DNAH2: variants seen among roughly 807,000 people sequenced by gnomAD.
DNAH2 encodes the protein dynein axonemal heavy chain 2.
DNAH2 carries 323 observed loss-of-function variants against 523.5 expected under a neutral mutation model. The ratio of observed to expected loss-of-function variants is 0.62; its 90% CI spans 0.56 to 0.68. The LOEUF is 0.68. Among genes scored for constraint, DNAH2 ranks in the 30% least tolerant of loss-of-function variants. The pLI is 0.00. For synonymous variants in DNAH2, 2,093 were observed against 2,177.4 expected, an observed-to-expected ratio of 0.96 and a Z score of 1.08; for missense variants, 4,907 against 5,701.5, an observed-to-expected ratio of 0.86 and a Z score of 4.49.
chr17:7,765,784 TC>T (rs1400214540), intron 21 of DNAH2, among the ~76,000 whole-genome samples: 20 of 151,428 alleles, frequency 1.3e-4, no homozygotes, highest in African/African-American at 4.6e-4. Context: ...TTTTCTTTTT[TC>T]TTTTTTTTTT....
At chr17:7,795,772 G>A (rs974343344) in intron 49 of DNAH2, among the ~76,000 whole-genome samples, 8 of 147,440 alleles carry the variant, frequency 5.4e-5, no homozygotes, top group Non-Finnish European at 1.0e-4. Context: ...CAAAGCAGGT[G>A]GATCACCTGA....
chr17:7,794,200 C>T (rs919145100), intron 48 of DNAH2, 54 bp from the exon 49 acceptor site: 3 of 1,377,326 alleles, frequency 2.2e-6, no homozygotes, highest in African/African-American at 3.0e-5. Flanking sequence ...GTGTCGGCGC[C>T]TCTCTTGCCC....
intron 63 of DNAH2, among the ~76,000 whole-genome samples, chr17:7,813,010 A>T (rs184360760): frequency 6.6e-6 from 1 of 151,866 alleles, no homozygotes; most frequent in Non-Finnish European, 1.5e-5. Context: ...CTACTTGTAT[A>T]TGTATAGAAT....
Position 7,832,470 on chromosome 17 carries a change from C to T in DNAH2, c.12727-109C>T, listed in dbSNP as rs2078207653. 3 of 1,345,986 alleles carry T rather than the reference C, an allele frequency of 2.2e-6. No homozygotes were observed. Among genetic ancestry groups the T allele is most frequent in the Middle Eastern group, 2.2e-4 (1 of 4,488 alleles). 83.4% of individuals were successfully genotyped at this position (1,345,986 alleles called of 1,614,324 possible). The stretch of plus-strand genomic sequence containing the variant: ...GTTGCAGTGAGCCAAGATCGTACCA[C>T]TGCACTCCAGCCTGGGGGACAAGAG... On this transcript the variant is annotated intron_variant, in intron 82 of 85. Transcript: ENST00000572933. This position sits in a 1 kb window ranked among gnomAD's most constrained non-coding sequence, Gnocchi z 4.3.
At chr17:7,768,308 G>T (rs773247239) in intron 24 of DNAH2, 41 bp downstream of exon 24, 3 of 1,604,386 alleles carry the variant, frequency 1.9e-6, no homozygotes, top group South Asian at 1.1e-5. Flanking sequence ...ACTCTGCCCC[G>T]CTGGCCTGCG....
Position 7,760,555 on chromosome 17 carries a change from AG to A in DNAH2, c.2786-183del, listed in dbSNP as rs1186617968. Among the ~76,000 whole-genome samples, 1 of 152,152 alleles carries A rather than the reference AG, an allele frequency of 6.6e-6. No individual in the cohort carries two copies. The highest frequency in any genetic ancestry group is 1.5e-5 in the Non-Finnish European group (1 of 68,010). The stretch of plus-strand genomic sequence containing the variant: ...ACAGACAAGACATCACATCCTATGA[AG>A]GAGACACTAAGAGTCACATTTTCAC... On this transcript the variant is annotated intron_variant, in intron 17 of 85. Coordinates refer to ENST00000572933, the MANE Select transcript of DNAH2 (RefSeq NM_020877.5). The surrounding 1 kb of genome is among the most constrained non-coding windows in gnomAD (Gnocchi z 4.0).
chr17:7,794,477 G>C, intron 49 of DNAH2, 119 bp downstream of exon 49: 1 of 787,154 alleles, frequency 1.3e-6, no homozygotes, highest in Non-Finnish European at 1.9e-6. Context: ...GCTCCACGCA[G>C]GACGCTGGGA....
Position 7,758,550 on chromosome 17 carries a change from C to G in DNAH2, c.2107C>G (p.Leu703Val). 6.2e-7 allele frequency: 1 copy of G among 1,614,152 alleles called. No individual in the cohort carries two copies. The highest frequency in any genetic ancestry group is 8.5e-7 in the Non-Finnish European group (1 of 1,180,034). ...GGCCCTATTCAAAGAGCGTATTCGG[C>G]TCCTGGATAAGAAGATCCACCCGGG... The part of the protein sequence containing the change: ...EQALFKERIR[L>V]LDKKIHPGLK... Residue 703 changes from leucine to valine, a missense_variant, in exon 14 of 86, where the codon CTC (leucine) becomes GTC (valine). Coordinates refer to ENST00000572933, the MANE Select transcript of DNAH2 (RefSeq NM_020877.5).
rs1330439524 is a variant in DNAH2, at chr17:7,804,250, C to T, written c.8973-6C>T. On this transcript the variant is annotated splice_region_variant and splice_polypyrimidine_tract_variant and intron_variant, in intron 58 of 85. Transcript: ENST00000572933. ...TCTCCACACCCTGTCCTATTCTTTC[C>T]CCCAGGTTGCTGGGAGAAAAACGGC... 4 of 1,613,804 alleles carry T rather than the reference C, an allele frequency of 2.5e-6. No individual in the cohort carries two copies. In the Admixed American group the frequency reaches 5.0e-5, roughly 20 times the overall value.
At chr17:7,792,424 C>T in intron 46 of DNAH2, 81 bp downstream of exon 46, 2 of 1,383,756 alleles carry the variant, frequency 1.4e-6, no homozygotes, top group Non-Finnish European at 1.0e-6. Context: ...GGCCTAGAAG[C>T]AAAAATGAGC....
At position 7,764,154 on chromosome 17, in the gene DNAH2, G is replaced by A; in HGVS notation, c.3217G>A (p.Val1073Ile). 6.2e-7 allele frequency: 1 copy of A among 1,614,204 alleles called. No individual in the cohort carries two copies. Among genetic ancestry groups the A allele is most frequent in the Non-Finnish European group, 8.5e-7 (1 of 1,180,040 alleles). ...RPPQTLEELG[V>I]SLQLVDALKH... ...TCCGCAGACACTGGAGGAACTGGGG[G>A]TCAGCTTGCAGCTCGTGGATGCCCT... The change falls in exon 20 of 86, where the codon GTC (valine) becomes ATC (isoleucine). Residue 1073 changes from valine to isoleucine, a missense_variant. Coordinates refer to ENST00000572933, the MANE Select transcript of DNAH2 (RefSeq NM_020877.5).
intron 24 of DNAH2, among the ~76,000 whole-genome samples, chr17:7,770,033 A>T (rs529501885): frequency 6.6e-6 from 1 of 152,214 alleles, no homozygotes; most frequent in Admixed American, 6.5e-5. Flanking sequence ...TTTTGTGGGC[A>T]CACCTGCCTT....
chr17:7,824,814 A>C, intron 77 of DNAH2, 87 bp downstream of exon 77: 1 of 1,173,674 alleles, frequency 8.5e-7, no homozygotes, highest in Non-Finnish European at 1.1e-6. Context: ...TTAACCAACA[A>C]CAACATGATT....
chr17:7,798,502 C>CA lies in DNAH2; in HGVS notation c.8399-54dup. ...GGTTCCTAAATCTCAGAAAAGGAAT[C>CA]AAGCCCAGGATGGGGAATCTGCAGT... On this transcript the variant is annotated intron_variant, in intron 54 of 85. Coordinates refer to ENST00000572933, the MANE Select transcript of DNAH2 (RefSeq NM_020877.5). This position sits in a 1 kb window ranked among gnomAD's most constrained non-coding sequence, Gnocchi z 5.5. 1 of 1,601,676 alleles carries CA rather than the reference C, an allele frequency of 6.2e-7. No homozygotes were observed. Among genetic ancestry groups the CA allele is most frequent in the South Asian group, 1.1e-5 (1 of 89,846 alleles).
Position 7,821,443 on chromosome 17 carries a change from C to T in DNAH2, c.11142+74C>T. 2 of 1,522,772 alleles carry T rather than the reference C, an allele frequency of 1.3e-6. No individual in the cohort carries two copies. Among genetic ancestry groups the T allele is most frequent in the Non-Finnish European group, 8.9e-7 (1 of 1,128,714 alleles). The allele number at this position is 1,522,772 out of a possible 1,614,324, so 94.3% of individuals were successfully genotyped here. On this transcript the variant is annotated intron_variant, in intron 73 of 85. Transcript: ENST00000572933. This position sits in a 1 kb window ranked among gnomAD's most constrained non-coding sequence, Gnocchi z 5.0. Reference sequence around the variant, plus strand: ...GATGAGGGCAAGTGTGACAAGGACTCCAGACCCAGAGGGTCAGGCCCACAG... The same window carrying T: ...GATGAGGGCAAGTGTGACAAGGACTTCAGACCCAGAGGGTCAGGCCCACAG...
rs1330179300 is a variant in DNAH2 at position 7,807,356 on chromosome 17, G to A, written c.9612+37G>A. 1 of 1,604,606 alleles carries A rather than the reference G, an allele frequency of 6.2e-7. No individual in the cohort carries two copies. Among genetic ancestry groups the A allele is most frequent in the Admixed American group, 1.7e-5 (1 of 59,738 alleles). On this transcript the variant is annotated intron_variant, in intron 62 of 85. Coordinates refer to ENST00000572933, the MANE Select transcript of DNAH2 (RefSeq NM_020877.5). The surrounding 1 kb of genome is among the most constrained non-coding windows in gnomAD (Gnocchi z 5.6). ...AGGGCTGGGGCGGGGCGGTAGGGAG[G>A]GCAGGCCTGGGGGAGTGCGGATGCA...
rs371362598 is a variant in DNAH2 at position 7,799,789 on chromosome 17, G to A, written c.8699+547G>A. 2.8e-4 allele frequency among the ~76,000 whole-genome samples: 42 copies of A among 152,170 alleles called. 1 individual carries two copies. In the East Asian group the frequency reaches 6.8e-3, roughly 24 times the overall value. Reference sequence around the variant, plus strand: ...GCCGAGATCACACCACTACACTCCAGCTTGGGTGACAGAGCGAGACTCTGT... The same window carrying A: ...GCCGAGATCACACCACTACACTCCAACTTGGGTGACAGAGCGAGACTCTGT... On this transcript the variant is annotated intron_variant, in intron 56 of 85. Transcript: ENST00000572933.
chr17:7,774,253 G>A (rs1180309860), intron 28 of DNAH2, among the ~76,000 whole-genome samples: 1 of 152,150 alleles, frequency 6.6e-6, no homozygotes, highest in Non-Finnish European at 1.5e-5. Flanking sequence ...TCTGATAACC[G>A]AGAGGGCTAC....
rs1461772471 is a variant in DNAH2, at chr17:7,828,849, T to C, written c.11854-1451T>C. ...ATAAGTGGCATTTTTTAAAAAGTCATGTTATTTTTGTTACTGCTATCCAGT... is the reference window on the plus strand; with the variant it reads ...ATAAGTGGCATTTTTTAAAAAGTCACGTTATTTTTGTTACTGCTATCCAGT... On this transcript the variant is annotated intron_variant, in intron 77 of 85. Coordinates refer to ENST00000572933, the MANE Select transcript of DNAH2 (RefSeq NM_020877.5). The surrounding 1 kb of genome is among the most constrained non-coding windows in gnomAD (Gnocchi z 4.1). Among the ~76,000 whole-genome samples, 1 of 152,084 alleles carries C rather than the reference T, an allele frequency of 6.6e-6. No individual in the cohort carries two copies. The highest frequency in any genetic ancestry group is 1.5e-5 in the Non-Finnish European group (1 of 68,036).
Sources: allele counts gnomAD v4.1 joint callset (sites outside exome capture counted in the v4.1 genomes callset), GRCh38; gene constraint gnomAD v4.1.1; non-coding constraint Gnocchi (gnomAD v3.1); transcripts MANE v1.5; gene names NCBI Gene and HGNC (gene_info 2026-07-23, HGNC 2026-07-21).